Variants in KRT82 observed in about 807,000 individuals in gnomAD.
KRT82 encodes the protein keratin, type II cuticular Hb2.
KRT82 carries 44 observed loss-of-function variants against 48.0 expected under a neutral mutation model. The observed-to-expected ratio is 0.92, with a 90% CI of 0.72 to 1.18. The LOEUF (loss-of-function observed/expected upper bound fraction) is 1.18, where lower values mean the gene tolerates loss of function less well. Among genes scored for constraint, KRT82 ranks in the 50% most tolerant of loss-of-function variants. KRT82 has a pLI of 0.00. For synonymous variants in KRT82, 297 were observed against 278.3 expected, an observed-to-expected ratio of 1.07 and a Z score of -0.67; for missense variants, 701 against 671.4, an observed-to-expected ratio of 1.04 and a Z score of -0.49.
In KRT82 at chr12:52,403,789, G is replaced by C. The variant is rs779332186; in HGVS notation, c.532C>G (p.Arg178Gly). 6.2e-7 allele frequency: 1 copy of C among 1,613,536 alleles called. No individual in the cohort carries two copies. Among genetic ancestry groups the C allele is most frequent in the Non-Finnish European group, 8.5e-7 (1 of 1,179,978 alleles). The change falls in exon 2 of 9, where the codon CGG (arginine) becomes GGG (glycine). Residue 178 changes from arginine (R) to glycine (G), a missense_variant. By Grantham distance (125) the Arg-to-Gly change is moderately radical. Transcript: ENST00000257974. ...TCCCCGGACACACAGTCCAGCTGCC[G>C]CCGAAGGGCGCTGATATAGCCCTCG... ...IFEGYISALR[R>G]QLDCVSGDRV...
At chr12:52,397,818 G>C (rs527608708) in intron 5 of KRT82, among the ~76,000 whole-genome samples, 3 of 152,254 alleles carry the variant, frequency 2.0e-5, no homozygotes, top group African/African-American at 7.2e-5. Context: ...AGGCTGAGGC[G>C]GGCAGATCAT....
At chr12:52,402,715 T>C (rs532598900) in intron 2 of KRT82, among the ~76,000 whole-genome samples, 1 of 152,330 alleles carries the variant, frequency 6.6e-6, no homozygotes, top group African/African-American at 2.4e-5. Flanking sequence ...CCTTTTTTCT[T>C]TCAATAGCAC....
At position 52,395,148 on chromosome 12, in the gene KRT82, T is replaced by G; in HGVS notation, c.1369A>C (p.Ser457Arg). Residue 457 changes from serine to arginine, a missense_variant, in exon 9 of 9, where the codon AGC becomes CGC. Ser to Arg is a moderately radical substitution (Grantham distance 110, BLOSUM62 -1). Transcript: ENST00000257974. ...GAFLYEPCGVSTPVLSTGVLR... is the reference protein window; with the variant it reads ...GAFLYEPCGVRTPVLSTGVLR... The stretch of plus-strand genomic sequence containing the variant: ...ACGCCAGTGCTGAGGACAGGCGTGC[T>G]GACCCCACATGGCTCGTACAGGAAG... 2 of 1,614,064 alleles carry G rather than the reference T, an allele frequency of 1.2e-6. No homozygotes were observed. The highest frequency in any genetic ancestry group is 1.7e-6 in the Non-Finnish European group (2 of 1,179,994).
rs762981154 is a variant in KRT82 at position 52,400,059 on chromosome 12, C to T, written c.868G>A (p.Ala290Thr). 33 of 1,614,196 alleles carry T rather than the reference C, an allele frequency of 2.0e-5. No homozygotes were observed. The highest frequency in any genetic ancestry group is 1.6e-4 in the Middle Eastern group (1 of 6,062). The change falls in exon 5 of 9, where the codon GCT becomes ACT. Residue 290 changes from alanine to threonine, a missense_variant. Ala to Thr is a moderately conservative substitution (Grantham distance 58, BLOSUM62 0). Coordinates refer to ENST00000257974, the MANE Select transcript of KRT82 (RefSeq NM_033033.4). ...SRELDVDGII[A>T]EIKAQYDDIA... is the part of the protein sequence containing the mutation. ...TCGTCATACTGCGCCTTGATCTCAG[C>T]GATGATGCCGTCCACGTCCAGCTCC...
In KRT82 at chr12:52,397,147, A is replaced by T. The variant is rs549415939; in HGVS notation, c.943-139T>A. Reference sequence around the variant, plus strand: ...GTTCTCATACTGGTTCTGCTCCTTTACCTTCTTCCGCTTCTGGGCAATTTT... The same window carrying T: ...GTTCTCATACTGGTTCTGCTCCTTTTCCTTCTTCCGCTTCTGGGCAATTTT... On this transcript the variant is annotated intron_variant, in intron 5 of 8. Transcript: ENST00000257974. The T allele has an allele frequency of 9.2e-5, 101 of 1,100,466 alleles. No individual in the cohort carries two copies. The South Asian group carries it at 1.5e-3, about 17-fold the overall frequency. The allele number at this position is 1,100,466 out of a possible 1,614,324, so 68.2% of individuals were successfully genotyped here.
At chr12:52,399,873 C>A (rs534765080) in intron 5 of KRT82, 112 bp downstream of exon 5, 2 of 1,066,798 alleles carry the variant, frequency 1.9e-6, no homozygotes, top group Non-Finnish European at 2.8e-6. Context: ...TGTGGCATGG[C>A]GTGGCTCTCA....
In KRT82 at chr12:52,399,995, T is replaced by C. The variant is rs144716797; in HGVS notation, c.932A>G (p.Tyr311Cys). Residue 311 changes from tyrosine (Y) to cysteine (C), a missense_variant, in exon 5 of 9, where the codon TAC becomes TGC. Transcript: ENST00000257974. ...ACCACAGGGCCTCACCCGGCACTGG[T>C]ACCAGGCCTCTGCTTCGGCTTTGCT... ...SRSKAEAEAW[Y>C]QCRYEELRVT... 1.7e-4 allele frequency: 275 copies of C among 1,613,918 alleles called. No individual in the cohort carries two copies. Among genetic ancestry groups the C allele is most frequent in the Non-Finnish European group, 2.2e-4 (261 of 1,179,908 alleles).
intron 1 of KRT82, among the ~76,000 whole-genome samples, chr12:52,404,950 A>G (rs1592155557): frequency 6.6e-6 from 1 of 152,110 alleles, no homozygotes; most frequent in African/African-American, 2.4e-5. Flanking sequence ...AGTAGAGTCA[A>G]TGCCAGTGGC....
In KRT82 at chr12:52,396,245, C is replaced by A. The variant is rs114152116; in HGVS notation, c.1069-13G>T. On this transcript the variant is annotated splice_polypyrimidine_tract_variant and intron_variant, in intron 6 of 8. Coordinates refer to ENST00000257974, the MANE Select transcript of KRT82 (RefSeq NM_033033.4). ...CAAGTTTGCAGCGCTGTGGGAGGGG[C>A]GCAGAAAAGCATCACTGGGGGCCCT... The A allele has an allele frequency of 8.7e-6, 14 of 1,604,140 alleles. No individual in the cohort carries two copies. The highest frequency in any genetic ancestry group is 1.1e-5 in the Non-Finnish European group (13 of 1,176,896).
At chr12:52,397,679 T>C (rs1321627211) in intron 5 of KRT82, among the ~76,000 whole-genome samples, 5 of 152,234 alleles carry the variant, frequency 3.3e-5, no homozygotes, top group Admixed American at 6.5e-5. Context: ...ATCACACTCA[T>C]TGGCTCTTTT....
chr12:52,401,419 C>T, intron 2 of KRT82, 70 bp from the exon 3 acceptor site: 10 of 1,474,518 alleles, frequency 6.8e-6, no homozygotes, highest in South Asian at 1.1e-5. Flanking sequence ...TGGCATCAGG[C>T]CTTTGGGGGC....
intron 6 of KRT82, 101 bp from the exon 7 acceptor site, chr12:52,396,333 C>A: frequency 8.9e-7 from 1 of 1,122,744 alleles, no homozygotes; most frequent in Non-Finnish European, 1.3e-6. Flanking sequence ...GTGCCAGGCT[C>A]ACATTTGCGA....
rs768111829 is a variant in KRT82 at position 52,400,077 on chromosome 12, C to T, written c.850G>A (p.Asp284Asn). ...ATCTCAGCGATGATGCCGTCCACGT[C>T]CAGCTCCCGGCTGTTGTCCATCTTC... ...IVKMDNSREL[D>N]VDGIIAEIKA... Residue 284 changes from aspartate (D) to asparagine (N), a missense_variant, in exon 5 of 9, where the codon GAC becomes AAC. Physicochemically the swap from Asp to Asn is conservative, Grantham distance 23. Coordinates refer to ENST00000257974, the MANE Select transcript of KRT82 (RefSeq NM_033033.4). 1 of 1,614,052 alleles carries T rather than the reference C, an allele frequency of 6.2e-7. No homozygotes were observed. The highest frequency in any genetic ancestry group is 8.5e-7 in the Non-Finnish European group (1 of 1,180,016).
intron 2 of KRT82, 37 bp downstream of exon 2, chr12:52,403,664 C>T (rs913758032): frequency 2.3e-6 from 3 of 1,306,224 alleles, no homozygotes; most frequent in Middle Eastern, 4.4e-4. Context: ...TCCCTTGCCC[C>T]AGGTCCACCA....
intron 6 of KRT82, 110 bp downstream of exon 6, chr12:52,396,773 T>G: frequency 8.0e-7 from 1 of 1,251,408 alleles, no homozygotes; most frequent in South Asian, 1.4e-5. Context: ...CACAAGTTTA[T>G]TCCCTCTTCA....
At chr12:52,401,177 C>T (rs957304278) in intron 3 of KRT82, 112 bp downstream of exon 3, 1 of 878,012 alleles carries the variant, frequency 1.1e-6, no homozygotes, top group Non-Finnish European at 1.8e-6. Context: ...GGCGAAAAAC[C>T]CTTTTTCAGA....
At chr12:52,405,767 C>T (rs1394990106) in intron 1 of KRT82, 100 bp downstream of exon 1, 19 of 1,281,540 alleles carry the variant, frequency 1.5e-5, no homozygotes, top group African/African-American at 1.0e-4. Flanking sequence ...ACTGAGGCCT[C>T]CTCAATGTCA....
At chr12:52,404,302 CTG>C (rs1408886005) in intron 1 of KRT82, among the ~76,000 whole-genome samples, 2 of 152,216 alleles carry the variant, frequency 1.3e-5, no homozygotes, top group African/African-American at 4.8e-5. Context: ...GGAAGGGACT[CTG>C]TTAACTTCAT....
intron 3 of KRT82, 37 bp downstream of exon 3, chr12:52,401,252 A>C: frequency 6.3e-7 from 1 of 1,595,232 alleles, no homozygotes; most frequent in Non-Finnish European, 8.6e-7. Context: ...AACGCAGGCC[A>C]GCTCAGGGGC....
Sources: gnomAD v4.1 joint callset for allele counts (sites outside exome capture counted in the v4.1 genomes callset) on GRCh38, gnomAD v4.1.1 for gene constraint, MANE v1.5 for transcripts, NCBI Gene and HGNC (gene_info 2026-07-23, HGNC 2026-07-21) for gene names.